Variants in AGBL1 observed in about 807,000 individuals in gnomAD.
AGBL1 encodes AGBL carboxypeptidase 1, also known as cytosolic carboxypeptidase 4.
A neutral mutation model predicts 118.9 loss-of-function variants in AGBL1; 130 were observed. The observed-to-expected ratio is 1.09, with a 90% confidence interval of 0.95 to 1.26. The LOEUF is 1.26. Among genes scored for constraint, AGBL1 ranks in the 50% most tolerant of loss-of-function variants. The pLI is 0.00. For missense variants in AGBL1, 1,584 were observed against 1,298.1 expected, an observed-to-expected ratio of 1.22 and a Z score of -3.38; for synonymous variants, 555 against 478.9, an observed-to-expected ratio of 1.16 and a Z score of -2.08.
At chr15:86,519,725 C>T (rs2083163315) in intron 18 of AGBL1, among the ~76,000 whole-genome samples, 1 of 151,986 alleles carries the variant, frequency 6.6e-6, no homozygotes. Flanking sequence ...TTCCCAAATC[C>T]ACACAACCTA....
chr15:86,888,068 C>A (rs2079996343), intron 22 of AGBL1, among the ~76,000 whole-genome samples: 1 of 152,134 alleles, frequency 6.6e-6, no homozygotes, highest in African/African-American at 2.4e-5. Flanking sequence ...GGAGGTGCAT[C>A]TTGCGGGAGC....
chr15:86,726,898 T>C (rs575543732), intron 22 of AGBL1, among the ~76,000 whole-genome samples: 131 of 152,280 alleles, frequency 8.6e-4, no homozygotes, highest in African/African-American at 3.1e-3. Context: ...CAGGTTTTAG[T>C]GGCAGTTAGT....
In AGBL1 at chr15:86,302,650, G is replaced by A. The variant is rs143097682; in HGVS notation, c.2374+7242G>A. Among the ~76,000 whole-genome samples the A allele has an allele frequency of 4.9e-3, 743 of 151,948 alleles. 6 individuals carry two copies. Among genetic ancestry groups the A allele is most frequent in the African/African-American group, 0.017 (712 of 41,446 alleles). ...AAAAATGAGCCGAATGTGGTGGCACGCACCTGTACTCCCAGCTACTTAGGT... is the reference window on the plus strand; with the variant it reads ...AAAAATGAGCCGAATGTGGTGGCACACACCTGTACTCCCAGCTACTTAGGT... On this transcript the variant is annotated intron_variant, in intron 17 of 22. Transcript: ENST00000614907.
intron 1 of AGBL1, among the ~76,000 whole-genome samples, chr15:86,120,158 A>G (rs1898007723): frequency 6.6e-6 from 1 of 152,132 alleles, no homozygotes; most frequent in Non-Finnish European, 1.5e-5. Context: ...CTGCCTTCCC[A>G]GGTCATCTTT....
intron 24 of AGBL1, among the ~76,000 whole-genome samples, chr15:87,007,075 A>C (rs1287597283): frequency 6.6e-6 from 1 of 152,200 alleles, no homozygotes; most frequent in African/African-American, 2.4e-5. Flanking sequence ...TATTGGGTAA[A>C]AATCAAGTGA....
chr15:86,224,223 G>C (rs2078323831), intron 5 of AGBL1, among the ~76,000 whole-genome samples: 1 of 152,170 alleles, frequency 6.6e-6, no homozygotes, highest in Non-Finnish European at 1.5e-5. Flanking sequence ...CCTTTGCCCT[G>C]TAGGTAGATT....
At chr15:86,837,435 T>C (rs2141429021) in intron 22 of AGBL1, among the ~76,000 whole-genome samples, 1 of 152,316 alleles carries the variant, frequency 6.6e-6, no homozygotes, top group East Asian at 1.9e-4. Context: ...CCCCTATTTT[T>C]ATAAATACAT....
In AGBL1 at chr15:86,615,957, G is replaced by A. The variant is rs547741385; in HGVS notation, c.2995-58316G>A. On this transcript the variant is annotated intron_variant, in intron 21 of 22. Coordinates refer to ENST00000614907, the MANE Select transcript of AGBL1 (RefSeq NM_001386094.1). This position sits in a 1 kb window ranked among gnomAD's most constrained non-coding sequence, Gnocchi z 4.3. ...AAAAAAAAAATACTCCCACGGAAGTGGAAGGTAAACCACAGAAGAAAAGAG... is the reference window on the plus strand; with the variant it reads ...AAAAAAAAAATACTCCCACGGAAGTAGAAGGTAAACCACAGAAGAAAAGAG... Among the ~76,000 whole-genome samples the A allele has an allele frequency of 1.3e-5, 2 of 152,254 alleles. No individual in the cohort carries two copies. The highest frequency in any genetic ancestry group is 1.9e-4 in the East Asian group (1 of 5,182).
At chr15:86,107,100 A>G (rs4887282) in intron 1 of AGBL1, among the ~76,000 whole-genome samples, 50,645 of 152,096 alleles carry the variant, frequency 0.33, 8,821 homozygotes, top group African/African-American at 0.43. Context: ...CATTCAGGGC[A>G]CAAAATCATC....
chr15:86,198,806 G>A, intron 5 of AGBL1, among the ~76,000 whole-genome samples: 1 of 152,068 alleles, frequency 6.6e-6, no homozygotes, highest in East Asian at 1.9e-4. Context: ...CCTTGATGTG[G>A]GACTTCCAGC....
intron 19 of AGBL1, among the ~76,000 whole-genome samples, chr15:86,524,269 G>C (rs1024542349): frequency 2.6e-5 from 4 of 152,180 alleles, no homozygotes; most frequent in Non-Finnish European, 5.9e-5. Flanking sequence ...GTGTTGGGGA[G>C]CTCCATGACT....
intron 1 of AGBL1, among the ~76,000 whole-genome samples, chr15:86,082,729 A>T (rs1364347206): frequency 6.6e-6 from 1 of 152,184 alleles, no homozygotes; most frequent in Non-Finnish European, 1.5e-5. Flanking sequence ...CAGCTTCTTT[A>T]TCTCTGTCCC....
intron 5 of AGBL1, among the ~76,000 whole-genome samples, chr15:86,206,933 T>TA (rs2078003492): frequency 6.6e-6 from 1 of 152,240 alleles, no homozygotes; most frequent in African/African-American, 2.4e-5. Context: ...CTAGGGTTTT[T>TA]ATGGTTTTAT....
intron 5 of AGBL1, among the ~76,000 whole-genome samples, chr15:86,223,618 A>C (rs1210287775): frequency 6.6e-6 from 1 of 152,186 alleles, no homozygotes; most frequent in East Asian, 1.9e-4. Flanking sequence ...GAAGTAGTCC[A>C]TCCATGAAAG....
chr15:86,390,535 A>G (rs1204811223), intron 17 of AGBL1, among the ~76,000 whole-genome samples: 2 of 152,146 alleles, frequency 1.3e-5, no homozygotes, highest in African/African-American at 4.8e-5. Context: ...ATTCATTGCT[A>G]TGTGGTACCT....
intron 1 of AGBL1, among the ~76,000 whole-genome samples, chr15:86,112,606 G>T (rs184014081): frequency 6.6e-6 from 1 of 152,316 alleles, no homozygotes; most frequent in African/African-American, 2.4e-5. Context: ...GGGAATAACT[G>T]CAGTAAAATT....
intron 22 of AGBL1, among the ~76,000 whole-genome samples, chr15:86,677,027 A>G (rs1463960998): frequency 6.6e-6 from 1 of 152,004 alleles, no homozygotes; most frequent in Non-Finnish European, 1.5e-5. Context: ...AACAAACAAC[A>G]ACAAAAAAAA....
intron 3 of AGBL1, among the ~76,000 whole-genome samples, chr15:86,149,005 G>A (rs1291126471): frequency 6.6e-6 from 1 of 152,140 alleles, no homozygotes; most frequent in African/African-American, 2.4e-5. Context: ...TTTCAACCCA[G>A]AATTTCATAC....
intron 19 of AGBL1, among the ~76,000 whole-genome samples, chr15:86,527,755 A>G (rs1020305860): frequency 6.6e-6 from 1 of 152,234 alleles, no homozygotes; most frequent in Non-Finnish European, 1.5e-5. Flanking sequence ...GAGTGGATTA[A>G]TATGACTCCC....
Sources: allele counts gnomAD v4.1 joint callset (sites outside exome capture counted in the v4.1 genomes callset), GRCh38; gene constraint gnomAD v4.1.1; non-coding constraint Gnocchi (gnomAD v3.1); transcripts MANE v1.5; gene names NCBI Gene and HGNC (gene_info 2026-07-23, HGNC 2026-07-21).